Variants in PDE1A observed in about 807,000 individuals in gnomAD.
PDE1A encodes the protein dual specificity calcium/calmodulin-dependent 3',5'-cyclic nucleotide phosphodiesterase 1A.
A neutral mutation model predicts 61.7 loss-of-function variants in PDE1A; 35 were observed. That is an observed-to-expected ratio of 0.57 (90% CI 0.43 to 0.75). The LOEUF (loss-of-function observed/expected upper bound fraction) is 0.75. Among genes scored for constraint, PDE1A ranks in the 30% least tolerant of loss-of-function variants. The pLI is 0.00. For synonymous variants in PDE1A, 232 were observed against 213.2 expected (o/e 1.09, Z -0.77); for missense variants, 597 against 630.6 (o/e 0.95, Z 0.57).
At chr2:182,438,788 T>C (rs1453990581) in intron 2 of PDE1A, among the ~76,000 whole-genome samples, 1 of 152,044 alleles carries the variant, frequency 6.6e-6, no homozygotes, top group East Asian at 1.9e-4. Flanking sequence ...GAGCTGAGAC[T>C]ATATCCAATA....
chr2:182,267,746 A>G (rs892323224), intron 1 of PDE1A, among the ~76,000 whole-genome samples: 9 of 152,124 alleles, frequency 5.9e-5, no homozygotes, highest in African/African-American at 2.2e-4. Flanking sequence ...ATATACAACA[A>G]TCCTCAACAA....
chr2:182,590,172 G>A, the PDE1A span, among the ~76,000 whole-genome samples: 2 of 152,162 alleles, frequency 1.3e-5, no homozygotes, highest in African/African-American at 4.8e-5. Flanking sequence ...AGACTGAAAT[G>A]TGTATAAACG....
At chr2:182,146,484 G>GTTA (rs1461585953), downstream of PDE1A, among the ~76,000 whole-genome samples, 9 of 151,872 alleles carry the variant, frequency 5.9e-5, no homozygotes, top group African/African-American at 1.2e-4. Flanking sequence ...ATTTATTATT[G>GTTA]TTATTATTAT....
At chr2:182,359,673 T>C (rs1699388393) in intron 1 of PDE1A, among the ~76,000 whole-genome samples, 1 of 152,140 alleles carries the variant, frequency 6.6e-6, no homozygotes, top group Non-Finnish European at 1.5e-5. Context: ...CTGTATGGGA[T>C]TGTATGCCAT....
chr2:182,583,283 C>A, the PDE1A span, among the ~76,000 whole-genome samples: 1 of 152,052 alleles, frequency 6.6e-6, no homozygotes, highest in Non-Finnish European at 1.5e-5. Flanking sequence ...AAAGAAAATT[C>A]AATAATTGAG....
chr2:182,490,665 G>A (rs940991495), intron 2 of PDE1A, among the ~76,000 whole-genome samples: 18 of 152,132 alleles, frequency 1.2e-4, no homozygotes, highest in African/African-American at 3.9e-4. Flanking sequence ...GAGCCACCAC[G>A]CCCAGCCAAG....
At chr2:182,363,116 G>C (rs947224156) in intron 1 of PDE1A, among the ~76,000 whole-genome samples, 1 of 151,846 alleles carries the variant, frequency 6.6e-6, no homozygotes, top group African/African-American at 2.4e-5. Context: ...AAGGGTACTA[G>C]GCTTAATACC....
the PDE1A span, among the ~76,000 whole-genome samples, chr2:182,610,544 G>C: frequency 6.6e-6 from 1 of 151,870 alleles, no homozygotes; most frequent in African/African-American, 2.4e-5. Flanking sequence ...TAAAAAAAAA[G>C]AATGGCAATA....
At chr2:182,681,594 G>A in the PDE1A span, among the ~76,000 whole-genome samples, 1 of 148,882 alleles carries the variant, frequency 6.7e-6, no homozygotes, top group African/African-American at 2.5e-5. Flanking sequence ...AAAAAAAACA[G>A]TTATTCAGGA....
At chr2:182,275,062 C>T (rs991510364) in intron 1 of PDE1A, among the ~76,000 whole-genome samples, 3 of 152,106 alleles carry the variant, frequency 2.0e-5, no homozygotes, top group African/African-American at 7.2e-5. Context: ...CAATTGATTA[C>T]TTGGATGATG....
intron 2 of PDE1A, among the ~76,000 whole-genome samples, chr2:182,502,549 CT>C (rs1393356572): frequency 6.6e-6 from 1 of 152,176 alleles, no homozygotes; most frequent in Non-Finnish European, 1.5e-5. Context: ...CCCTGACCCC[CT>C]ATCTGTCCAG....
chr2:182,354,592 C>T (rs1699071755), intron 1 of PDE1A, among the ~76,000 whole-genome samples: 1 of 152,016 alleles, frequency 6.6e-6, no homozygotes, highest in Non-Finnish European at 1.5e-5. Context: ...AAGAGAAAAT[C>T]CACAGTGAAA....
At chr2:182,577,548 A>G in the PDE1A span, among the ~76,000 whole-genome samples, 2 of 152,214 alleles carry the variant, frequency 1.3e-5, no homozygotes, top group African/African-American at 4.8e-5. Flanking sequence ...CACTGTTTAG[A>G]ATAACTAAAG....
chr2:182,189,251 A>G (rs771768931), intron 10 of PDE1A, among the ~76,000 whole-genome samples, 191 bp from the exon 11 acceptor site: 1 of 152,194 alleles, frequency 6.6e-6, no homozygotes, highest in Non-Finnish European at 1.5e-5. Context: ...ATTTGGGGAC[A>G]TTTTGCAGGG....
At chr2:182,334,390 A>T (rs931006350) in intron 1 of PDE1A, among the ~76,000 whole-genome samples, 6 of 152,156 alleles carry the variant, frequency 3.9e-5, no homozygotes, top group Admixed American at 6.5e-5. Flanking sequence ...AATACTGGCA[A>T]ACTGAATCCA....
chr2:182,605,526 T>A, the PDE1A span, among the ~76,000 whole-genome samples: 5 of 152,218 alleles, frequency 3.3e-5, no homozygotes, highest in African/African-American at 1.2e-4. Context: ...GTGGAGCACA[T>A]CTCCAATGGA....
At chr2:182,559,629 T>C in the PDE1A span, among the ~76,000 whole-genome samples, 12 of 152,194 alleles carry the variant, frequency 7.9e-5, no homozygotes, top group Non-Finnish European at 1.0e-4. Flanking sequence ...CTCCTACATA[T>C]ATTTCCAGTA....
the PDE1A span, among the ~76,000 whole-genome samples, chr2:182,541,866 T>G: frequency 6.6e-6 from 1 of 152,184 alleles, no homozygotes; most frequent in Non-Finnish European, 1.5e-5. Context: ...AAGGAAATAT[T>G]AAGTTTAAAA....
intron 10 of PDE1A, among the ~76,000 whole-genome samples, chr2:182,199,252 G>A (rs1381171245): frequency 2.6e-5 from 4 of 151,274 alleles, no homozygotes; most frequent in Non-Finnish European, 4.4e-5. Context: ...TTACTTTTTC[G>A]GAGAGCCAAC....
Sources: allele counts gnomAD v4.1 joint callset (sites outside exome capture counted in the v4.1 genomes callset), GRCh38; gene constraint gnomAD v4.1.1; transcripts MANE v1.5; gene names NCBI Gene and HGNC (gene_info 2026-07-23, HGNC 2026-07-21).